ALOX5AP: variants seen among roughly 807,000 people sequenced by gnomAD.
ALOX5AP encodes the protein arachidonate 5-lipoxygenase-activating protein.
A neutral mutation model predicts 18.5 loss-of-function variants in ALOX5AP; 9 were observed. That is an observed-to-expected ratio of 0.49 (90% CI 0.29 to 0.85). ALOX5AP has a LOEUF of 0.85. Among genes scored for constraint, ALOX5AP ranks in the 40% least tolerant of loss-of-function variants. ALOX5AP has a pLI of 0.08. For missense variants in ALOX5AP, 172 were observed against 202.5 expected (o/e 0.85, Z 0.91); for synonymous variants, 81 against 78.6 (o/e 1.03, Z -0.16).
At chr13:30,762,583 G>A (rs1472921850) in intron 4 of ALOX5AP, among the ~76,000 whole-genome samples, 1 of 143,834 alleles carries the variant, frequency 7.0e-6, no homozygotes, top group African/African-American at 2.7e-5. Context: ...GCTTGACTCA[G>A]TCTCAAAAAA....
At chr13:30,749,204 C>T (rs1224958707) in intron 2 of ALOX5AP, among the ~76,000 whole-genome samples, 1 of 152,140 alleles carries the variant, frequency 6.6e-6, no homozygotes, top group Non-Finnish European at 1.5e-5. Context: ...AATACGGACC[C>T]AATGTCAAAT....
chr13:30,716,141 T>G (rs1399147914), intron 1 of ALOX5AP, among the ~76,000 whole-genome samples: 1 of 152,220 alleles, frequency 6.6e-6, no homozygotes, highest in East Asian at 1.9e-4. Flanking sequence ...TTGTTTTTCT[T>G]ATTTCACAAC....
chr13:30,739,624 A>G (rs1951747035), intron 1 of ALOX5AP, among the ~76,000 whole-genome samples: 1 of 152,154 alleles, frequency 6.6e-6, no homozygotes, highest in Non-Finnish European at 1.5e-5. Context: ...TAGTAAGGAC[A>G]GGGTTTCACC....
chr13:30,750,189 T>C (rs1479399519), intron 2 of ALOX5AP, among the ~76,000 whole-genome samples: 1 of 152,188 alleles, frequency 6.6e-6, no homozygotes, highest in Non-Finnish European at 1.5e-5. Context: ...CCTGGAGAAC[T>C]GCCACCTTCG....
chr13:30,734,401 A>C (rs993415661), upstream of ALOX5AP, among the ~76,000 whole-genome samples: 8 of 152,208 alleles, frequency 5.3e-5, no homozygotes, highest in African/African-American at 1.9e-4. Flanking sequence ...CCCTGCTGCC[A>C]CTAGTTACAG....
intron 1 of ALOX5AP, among the ~76,000 whole-genome samples, chr13:30,718,850 A>G (rs752547287): frequency 1.3e-5 from 2 of 151,702 alleles, no homozygotes; most frequent in Non-Finnish European, 2.9e-5. Flanking sequence ...ACTCCTGGAC[A>G]CTCCCTCCCC....
At chr13:30,757,758 A>G (rs959437237) in intron 4 of ALOX5AP, among the ~76,000 whole-genome samples, 1 of 152,178 alleles carries the variant, frequency 6.6e-6, no homozygotes, top group African/African-American at 2.4e-5. Context: ...ACCTACCCAC[A>G]TGTCCTTTTA....
intron 4 of ALOX5AP, among the ~76,000 whole-genome samples, chr13:30,760,308 G>A (rs528066820): frequency 6.6e-6 from 1 of 151,946 alleles, no homozygotes; most frequent in Non-Finnish European, 1.5e-5. Flanking sequence ...CTGAGCTGGG[G>A]TGGTCTCGAA....
rs935804062 is a variant in ALOX5AP at position 30,735,635 on chromosome 13, C to T, written c.30C>T (p.Val10=). 7.4e-6 allele frequency: 12 copies of T among 1,614,056 alleles called. No individual in the cohort carries two copies. The highest frequency in any genetic ancestry group is 3.3e-5 in the South Asian group (3 of 91,070). The change falls in exon 1 of 5, where the codon GTC becomes GTT. Residue 10 remains valine (V), a synonymous_variant. Transcript: ENST00000380490. ...ATCAAGAAACTGTAGGCAATGTTGTCCTGTTGGCCATCGTCACCCTCATCA... is the reference window on the plus strand; with the variant it reads ...ATCAAGAAACTGTAGGCAATGTTGTTCTGTTGGCCATCGTCACCCTCATCA... MDQETVGNV[V]LLAIVTLISV...
upstream of ALOX5AP, among the ~76,000 whole-genome samples, chr13:30,735,135 C>G (rs1951710348): frequency 6.6e-6 from 1 of 152,072 alleles, no homozygotes; most frequent in Non-Finnish European, 1.5e-5. Flanking sequence ...CTCAGCCACC[C>G]AAAATGCTGG....
chr13:30,742,620 A>G, intron 1 of ALOX5AP: 1 of 152,208 alleles, frequency 6.6e-6, no homozygotes, highest in African/African-American at 2.4e-5. Context: ...ATACACTCAA[A>G]GTGGGCACAT....
chr13:30,718,269 G>A (rs1951565410), intron 1 of ALOX5AP, among the ~76,000 whole-genome samples: 1 of 151,710 alleles, frequency 6.6e-6, no homozygotes, highest in Non-Finnish European at 1.5e-5. Flanking sequence ...AAAAGATTCT[G>A]TTTTTGAGGC....
chr13:30,744,300 C>T (rs963156039), intron 2 of ALOX5AP, 141 bp downstream of exon 2: 4 of 688,306 alleles, frequency 5.8e-6, no homozygotes, highest in East Asian at 5.6e-5. Context: ...GGTTGGACTT[C>T]ACCAGAGAGG....
chr13:30,720,000 T>C (rs779585692), intron 1 of ALOX5AP, among the ~76,000 whole-genome samples: 1 of 152,154 alleles, frequency 6.6e-6, no homozygotes, highest in Admixed American at 6.5e-5. Context: ...TAGCTGGGAC[T>C]ACAGGCACAT....
chr13:30,729,574 G>C (rs1254870708), intron 1 of ALOX5AP, among the ~76,000 whole-genome samples: 2 of 94,882 alleles, frequency 2.1e-5, no homozygotes, highest in Non-Finnish European at 4.8e-5. Context: ...TGTCTAACCT[G>C]TATTTTTTTT....
intron 1 of ALOX5AP, among the ~76,000 whole-genome samples, chr13:30,727,459 C>T (rs1412417266): frequency 6.6e-6 from 1 of 152,138 alleles, no homozygotes; most frequent in Non-Finnish European, 1.5e-5. Context: ...TACGCTGGAG[C>T]CATGTTTCCC....
At chr13:30,752,146 A>G in intron 3 of ALOX5AP, 24 bp downstream of exon 3, 2 of 1,609,554 alleles carry the variant, frequency 1.2e-6, no homozygotes, top group Non-Finnish European at 1.7e-6. Context: ...CCCTTTGTTC[A>G]TTCTCCTTCT....
chr13:30,725,546 TCTACGC>T (rs1469120645), intron 1 of ALOX5AP, among the ~76,000 whole-genome samples: 3 of 152,180 alleles, frequency 2.0e-5, no homozygotes, highest in East Asian at 3.9e-4. Flanking sequence ...AAGATAGAAA[TCTACGC>T]CAATATGGCA....
intron 2 of ALOX5AP, among the ~76,000 whole-genome samples, chr13:30,751,697 G>A (rs1593441863): frequency 6.6e-6 from 1 of 152,216 alleles, no homozygotes; most frequent in African/African-American, 2.4e-5. Flanking sequence ...CCCCATGCCA[G>A]TGTGGCCACA....
Sources: gnomAD v4.1 joint callset for allele counts (sites outside exome capture counted in the v4.1 genomes callset) on GRCh38, gnomAD v4.1.1 for gene constraint, MANE v1.5 for transcripts, NCBI Gene and HGNC (gene_info 2026-07-23, HGNC 2026-07-21) for gene names.